ANO1: variants seen among roughly 807,000 people sequenced by gnomAD.
The protein encoded by ANO1 is anoctamin 1.
Under a neutral mutation model 124.0 loss-of-function variants are expected in ANO1, and 59 were observed. That is an observed-to-expected ratio of 0.48 (90% CI 0.39 to 0.59). The LOEUF (loss-of-function observed/expected upper bound fraction) is 0.59. Ranked by LOEUF, ANO1 falls within the 20% of genes least tolerant of loss-of-function variation. The pLI is 0.00. For synonymous variants in ANO1, 529 were observed against 532.0 expected (o/e 0.99, Z 0.08); for missense variants, 1,059 against 1,328.0 (o/e 0.80, Z 3.15).
At chr11:70,144,791 C>A (rs1015262177) in intron 11 of ANO1, among the ~76,000 whole-genome samples, 4 of 152,220 alleles carry the variant, frequency 2.6e-5, no homozygotes, top group African/African-American at 7.2e-5. Flanking sequence ...GAAGCCCCGT[C>A]CCTAATGCCA....
At position 70,087,778 on chromosome 11, in the gene ANO1, T is replaced by G. The variant is rs1357048763; in HGVS notation, c.135T>G (p.Pro45=). ...TGCTGAACTCCTTATCTGTGGACCC[T>G]GATGCCGAGTGCAAGTATGGCCTGT... The part of the protein sequence containing the change: ...GTLLNSLSVD[P]DAECKYGLYF... The change falls in exon 2 of 26, where the codon CCT becomes CCG. Residue 45 remains proline, a synonymous_variant. Coordinates refer to ENST00000355303, the MANE Select transcript of ANO1 (RefSeq NM_018043.7). 1.9e-6 allele frequency: 3 copies of G among 1,608,842 alleles called. No individual in the cohort carries two copies. Among genetic ancestry groups the G allele is most frequent in the Non-Finnish European group, 2.5e-6 (3 of 1,177,464 alleles).
rs979639632 is a variant in ANO1 at position 70,085,799 on chromosome 11, G to A, written c.109-1953G>A. 13 of 1,195,478 alleles carry A rather than the reference G, an allele frequency of 1.1e-5. No individual in the cohort carries two copies. In the African/African-American group the frequency reaches 1.4e-4, roughly 13 times the overall value. 74.1% of individuals were successfully genotyped at this position (1,195,478 alleles called of 1,614,324 possible). ...CCCACTGCAGTGCTGACTGTTTGGG[G>A]AGGGGCTCCACCCTCCGGCTTCCCT... On this transcript the variant is annotated intron_variant, in intron 1 of 25. Transcript: ENST00000355303.
chr11:69,976,369 C>T, the ANO1 span, among the ~76,000 whole-genome samples: 7 of 151,742 alleles, frequency 4.6e-5, no homozygotes, highest in South Asian at 2.1e-4. Context: ...TAGCGGTGCA[C>T]GGTGGTGGGC....
At chr11:70,165,840 C>T (rs917016819) in intron 20 of ANO1, among the ~76,000 whole-genome samples, 3 of 151,330 alleles carry the variant, frequency 2.0e-5, no homozygotes, top group Admixed American at 6.6e-5. Context: ...AAGCACAAAG[C>T]GAGACTGCAC....
At chr11:69,975,930 C>G in the ANO1 span, among the ~76,000 whole-genome samples, 1 of 152,102 alleles carries the variant, frequency 6.6e-6, no homozygotes, top group African/African-American at 2.4e-5. Flanking sequence ...GTGTTGAGAC[C>G]CTCGGTGCCC....
chr11:70,110,396 C>T (rs979757394), intron 6 of ANO1, among the ~76,000 whole-genome samples: 1 of 152,038 alleles, frequency 6.6e-6, no homozygotes, highest in African/African-American at 2.4e-5. Flanking sequence ...CTGTGTTAGC[C>T]AGGATAGTCT....
At chr11:70,181,633 A>G (rs745385737) in intron 23 of ANO1, among the ~76,000 whole-genome samples, 4 of 152,218 alleles carry the variant, frequency 2.6e-5, no homozygotes, top group Non-Finnish European at 5.9e-5. Context: ...AGCAGCAACA[A>G]CAATAACAGC....
chr11:70,076,426 T>A (rs1403950925), upstream of ANO1, among the ~76,000 whole-genome samples: 1 of 151,794 alleles, frequency 6.6e-6, no homozygotes, highest in African/African-American at 2.4e-5. Context: ...CCAAGTATAT[T>A]TTTACTCTTT....
In ANO1 at chr11:70,155,738, TCTTA is replaced by T. The variant is rs1369346921; in HGVS notation, c.1426-169_1426-166del. On this transcript the variant is annotated intron_variant, in intron 14 of 25. Coordinates refer to ENST00000355303, the MANE Select transcript of ANO1 (RefSeq NM_018043.7). ...TTTCCGAACGTAGGTCTCTGCCGTC[TCTTA>T]CTTGTTTAAAACGCCCAGAACCCGA... Among the ~76,000 whole-genome samples the T allele has an allele frequency of 3.9e-5, 6 of 152,228 alleles. No individual in the cohort carries two copies. The East Asian group carries it at 1.2e-3, about 29-fold the overall frequency.
At chr11:70,097,944 A>G (rs2509149) in intron 2 of ANO1, among the ~76,000 whole-genome samples, 46,950 of 152,098 alleles carry the variant, frequency 0.31, 8,090 homozygotes, top group African/African-American at 0.45. Context: ...ACGGGGAGAG[A>G]CAGGCAGATG....
At chr11:70,126,450 C>A (rs569060673) in intron 10 of ANO1, among the ~76,000 whole-genome samples, 2 of 152,238 alleles carry the variant, frequency 1.3e-5, no homozygotes, top group Non-Finnish European at 2.9e-5. Flanking sequence ...AACATCTGAC[C>A]ATTTTCATTC....
Position 70,087,987 on chromosome 11 carries a change from C to A in ANO1, c.344C>A (p.Pro115His). 1 of 1,569,174 alleles carries A rather than the reference C, an allele frequency of 6.4e-7. No individual in the cohort carries two copies. Among genetic ancestry groups the A allele is most frequent in the Non-Finnish European group, 8.6e-7 (1 of 1,156,398 alleles). ...TCGCTGGATGCAGGCTCGGGGGAGCCCCCGATGGACTACCACGAGGATGAC... is the reference window on the plus strand; with the variant it reads ...TCGCTGGATGCAGGCTCGGGGGAGCACCCGATGGACTACCACGAGGATGAC... ...GASLDAGSGE[P>H]PMDYHEDDKR... Residue 115 changes from proline (P) to histidine (H), a missense_variant, in exon 2 of 26, where the codon CCC becomes CAC. Physicochemically the swap from Pro to His is moderately conservative, Grantham distance 77 (BLOSUM62 -2). Transcript: ENST00000355303.
intron 18 of ANO1, 100 bp from the exon 19 acceptor site, chr11:70,163,183 C>A: frequency 7.8e-7 from 1 of 1,276,072 alleles, no homozygotes. Context: ...CGAGGCTCAG[C>A]CTGCAGGACT....
intron 2 of ANO1, among the ~76,000 whole-genome samples, chr11:70,091,649 C>A (rs746231012): frequency 1.4e-4 from 22 of 152,312 alleles, no homozygotes; most frequent in Non-Finnish European, 2.4e-4. Flanking sequence ...GTGCCAGCCA[C>A]CTCTGGGACC....
the ANO1 span, among the ~76,000 whole-genome samples, chr11:69,967,335 C>T: frequency 6.6e-6 from 1 of 152,200 alleles, no homozygotes; most frequent in Admixed American, 6.5e-5. Context: ...CTCTGAGCGC[C>T]GGTATCGCAC....
chr11:70,182,356 G>A (rs1483011915), intron 23 of ANO1, 146 bp from the exon 24 acceptor site: 2 of 592,080 alleles, frequency 3.4e-6, no homozygotes, highest in Non-Finnish European at 5.4e-6. Flanking sequence ...CACTCAGCAT[G>A]CCGAGGCTGT....
At chr11:69,991,812 C>G (rs540029345) in intron 1 of ANO1, among the ~76,000 whole-genome samples, 1 of 152,336 alleles carries the variant, frequency 6.6e-6, no homozygotes, top group African/African-American at 2.4e-5. Context: ...AGCCCTTGCT[C>G]TCATGGAGTG....
At chr11:70,022,430 C>T (rs1001736318) in intron 1 of ANO1, among the ~76,000 whole-genome samples, 1 of 152,136 alleles carries the variant, frequency 6.6e-6, no homozygotes, top group Non-Finnish European at 1.5e-5. Flanking sequence ...GAAACCCCGT[C>T]TCTACCAAAA....
chr11:70,185,835 AC>A, intron 25 of ANO1, 140 bp downstream of exon 25: 1 of 942,182 alleles, frequency 1.1e-6, no homozygotes, highest in Non-Finnish European at 1.6e-6. Context: ...TTGCTCTGGG[AC>A]ACCCGAGGAG....
Sources: gnomAD v4.1 joint callset for allele counts (sites outside exome capture counted in the v4.1 genomes callset) on GRCh38, gnomAD v4.1.1 for gene constraint, MANE v1.5 for transcripts, NCBI Gene and HGNC (gene_info 2026-07-23, HGNC 2026-07-21) for gene names.